UBB: variants seen among roughly 807,000 people sequenced by gnomAD.
UBB encodes polyubiquitin-B.
In UBB, 11 loss-of-function variants were observed where a neutral mutation model predicts 12.5. The observed-to-expected ratio is 0.88, with a 90% CI of 0.55 to 1.45. UBB has a LOEUF of 1.45. Among genes scored for constraint, UBB ranks in the 40% most tolerant of loss-of-function variants. The pLI is 0.00. For missense variants in UBB, 76 were observed against 286.9 expected, an observed-to-expected ratio of 0.26 and a Z score of 5.31; for synonymous variants, 168 against 120.1, an observed-to-expected ratio of 1.40 and a Z score of -2.61.
In UBB at chr17:16,382,622, G is replaced by A; in HGVS notation, c.*25G>A. Reference sequence around the variant, plus strand: ...ATTCTTCAGTCATGGCATTCGCAGTGCCCAGTGATGGCATTACTCTGCACT... The same window carrying A: ...ATTCTTCAGTCATGGCATTCGCAGTACCCAGTGATGGCATTACTCTGCACT... On this transcript the variant is annotated 3_prime_UTR_variant, in exon 2 of 2. Coordinates refer to ENST00000302182, the MANE Select transcript of UBB (RefSeq NM_018955.4). 1.2e-6 allele frequency: 2 copies of A among 1,613,006 alleles called. No homozygotes were observed. Among genetic ancestry groups the A allele is most frequent in the South Asian group, 2.2e-5 (2 of 90,944 alleles).
Position 16,381,976 on chromosome 17 carries a change from C to T in UBB, c.69C>T (p.Ile23=), listed in dbSNP as rs767505941. 1.6e-5 allele frequency: 26 copies of T among 1,613,740 alleles called. No individual in the cohort carries two copies. Among genetic ancestry groups the T allele is most frequent in the Middle Eastern group, 3.3e-4 (2 of 6,084 alleles). ...TTGAGGTGGAGCCCAGTGACACCAT[C>T]GAAAATGTGAAGGCCAAGATCCAGG... ...ITLEVEPSDT[I]ENVKAKIQDK... Residue 23 remains isoleucine (I), a synonymous_variant, in exon 2 of 2, where the codon ATC becomes ATT. Coordinates refer to ENST00000302182, the MANE Select transcript of UBB (RefSeq NM_018955.4).
intron 1 of UBB, 161 bp downstream of exon 1, chr17:16,381,345 C>G (rs1034467978): frequency 6.0e-5 from 10 of 167,582 alleles, no homozygotes; most frequent in Non-Finnish European, 6.4e-5. Context: ...GACAGTGGGC[C>G]TTGTTGACCT....
At position 16,381,139 on chromosome 17, in the gene UBB, G is replaced by C. The variant is rs1364634838; in HGVS notation, c.-52G>C. The C allele has an allele frequency of 1.3e-5, 2 of 152,258 alleles. No homozygotes were observed. Among genetic ancestry groups the C allele is most frequent in the African/African-American group, 4.9e-5 (2 of 41,236 alleles). 9.4% of individuals were successfully genotyped at this position (152,258 alleles called of 1,614,324 possible). A position where few individuals can be genotyped will look rare whatever the true frequency, so the allele number is the denominator to read the frequency against. The stretch of plus-strand genomic sequence containing the variant: ...GGGTGAGCTTGTTTGTGTCCCTGTG[G>C]GTGGACGTGGTTGGTGATTGGCAGG... On this transcript the variant is annotated 5_prime_UTR_variant, in exon 1 of 2. Coordinates refer to ENST00000302182, the MANE Select transcript of UBB (RefSeq NM_018955.4).
intron 1 of UBB, chr17:16,381,529 T>A (rs2093275377): frequency 3.9e-6 from 1 of 255,318 alleles, no homozygotes. Context: ...CCCCTTCTTG[T>A]GTTTCAATGG....
chr17:16,382,400 A>G lies in UBB; in HGVS notation c.493A>G (p.Ile165Val). The change falls in exon 2 of 2, where the codon ATC becomes GTC. Residue 165 changes from isoleucine to valine, a missense_variant. By Grantham distance (29) the Ile-to-Val change is conservative (BLOSUM62 3). Transcript: ENST00000302182. ...CGTGAAGACCCTGACCGGCAAGACC[A>G]TCACTCTGGAGGTGGAGCCCAGTGA... ...IFVKTLTGKT[I>V]TLEVEPSDTI... 6.2e-7 allele frequency: 1 copy of G among 1,610,264 alleles called. No homozygotes were observed. Among genetic ancestry groups the G allele is most frequent in the Non-Finnish European group, 8.5e-7 (1 of 1,179,356 alleles).
At position 16,382,246 on chromosome 17, in the gene UBB, T is replaced by C. The variant is rs1296421587; in HGVS notation, c.339T>C (p.Pro113=). ...KAKIQDKEGI[P]PDQQRLIFAG... is the part of the protein sequence containing the mutation. ...AGATCCAGGATAAAGAAGGCATCCC[T>C]CCCGACCAGCAGAGGCTCATCTTTG... Residue 113 remains proline, a synonymous_variant, in exon 2 of 2, where the codon CCT becomes CCC. Coordinates refer to ENST00000302182, the MANE Select transcript of UBB (RefSeq NM_018955.4). 973 of 1,563,000 alleles carry C rather than the reference T, an allele frequency of 6.2e-4. No homozygotes were observed. Among genetic ancestry groups the C allele is most frequent in the African/African-American group, 5.7e-3 (343 of 60,058 alleles).
Position 16,382,534 on chromosome 17 carries a change from T to G in UBB, c.627T>G (p.Ser209=). 6.2e-7 allele frequency: 1 copy of G among 1,613,850 alleles called. No homozygotes were observed. The highest frequency in any genetic ancestry group is 1.3e-5 in the African/African-American group (1 of 75,048). ...GKQLEDGRTL[S]DYNIQKESTL... ...AGCTGGAAGATGGCCGCACTCTTTC[T>G]GACTACAACATCCAGAAAGAGTCGA... The change falls in exon 2 of 2, where the codon TCT becomes TCG. Residue 209 remains serine (S), a synonymous_variant. Transcript: ENST00000302182.
At chr17:16,381,670 T>C in intron 1 of UBB, 1 of 608,890 alleles carries the variant, frequency 1.6e-6, no homozygotes, top group Non-Finnish European at 2.8e-6. Flanking sequence ...GGGAAAGCTG[T>C]GGACGCTTGG....
chr17:16,381,070 T>A (rs1399611241), upstream of UBB: 1 of 153,348 alleles, frequency 6.5e-6, no homozygotes, highest in Non-Finnish European at 1.5e-5. Context: ...TGCATAAATT[T>A]GCGCTCCGCC....
At position 16,382,384 on chromosome 17, in the gene UBB, C is replaced by T; in HGVS notation, c.477C>T (p.Thr159=). The T allele has an allele frequency of 1.9e-6, 3 of 1,610,736 alleles. No individual in the cohort carries two copies. Among genetic ancestry groups the T allele is most frequent in the African/African-American group, 1.4e-5 (1 of 73,596 alleles). ...GTGGTATGCAGATCTTCGTGAAGAC[C>T]CTGACCGGCAAGACCATCACTCTGG... is the stretch of plus-strand genomic sequence containing the variant. ...LRGGMQIFVK[T]LTGKTITLEV... The change falls in exon 2 of 2, where the codon ACC becomes ACT. Residue 159 remains threonine (T), a synonymous_variant. Transcript: ENST00000302182.
At position 16,382,039 on chromosome 17, in the gene UBB, C is replaced by A. The variant is rs1158588539; in HGVS notation, c.132C>A (p.Ile44=). 11 of 1,612,004 alleles carry A rather than the reference C, an allele frequency of 6.8e-6. No individual in the cohort carries two copies. The highest frequency in any genetic ancestry group is 8.5e-6 in the Non-Finnish European group (10 of 1,179,378). The change falls in exon 2 of 2, where the codon ATC becomes ATA. Residue 44 remains isoleucine, a synonymous_variant. Transcript: ENST00000302182. The stretch of plus-strand genomic sequence containing the variant: ...TTCCCCCCGACCAGCAGAGGCTCAT[C>A]TTTGCAGGCAAGCAGCTGGAAGATG... The part of the protein sequence containing the change: ...EGIPPDQQRL[I]FAGKQLEDGR...
chr17:16,382,264 C>A lies in UBB; in HGVS notation c.357C>A (p.Leu119=). 6.2e-7 allele frequency: 1 copy of A among 1,609,368 alleles called. No individual in the cohort carries two copies. Among genetic ancestry groups the A allele is most frequent in the Non-Finnish European group, 8.5e-7 (1 of 1,179,182 alleles). Residue 119 remains leucine (L), a synonymous_variant, in exon 2 of 2, where the codon CTC becomes CTA. Transcript: ENST00000302182. ...KEGIPPDQQR[L]IFAGKQLEDG... ...GCATCCCTCCCGACCAGCAGAGGCT[C>A]ATCTTTGCAGGCAAGCAGCTGGAAG...
chr17:16,381,344 C>G (rs1005458994), intron 1 of UBB, 160 bp downstream of exon 1: 1 of 168,602 alleles, frequency 5.9e-6, no homozygotes, highest in Admixed American at 5.6e-5. Flanking sequence ...GGACAGTGGG[C>G]CTTGTTGACC....
intron 1 of UBB, chr17:16,381,546 T>C (rs1482323179): frequency 7.2e-6 from 2 of 275,870 alleles, no homozygotes; most frequent in Non-Finnish European, 6.9e-6. Context: ...ATGGGATTTT[T>C]ATTTCGCGAG....
At chr17:16,381,723 T>G in intron 1 of UBB, 179 bp from the exon 2 acceptor site, 1 of 894,250 alleles carries the variant, frequency 1.1e-6, no homozygotes, top group Non-Finnish European at 1.6e-6. Context: ...GTTGAAACCT[T>G]GAATGACGAA....
In UBB at chr17:16,381,154, T is replaced by G. The variant is rs1467254943; in HGVS notation, c.-37T>G. The G allele has an allele frequency of 6.7e-6, 1 of 148,872 alleles. No individual in the cohort carries two copies. Among genetic ancestry groups the G allele is most frequent in the Non-Finnish European group, 1.5e-5 (1 of 67,574 alleles). 9.2% of individuals were successfully genotyped at this position (148,872 alleles called of 1,614,324 possible). A position where few individuals can be genotyped will look rare whatever the true frequency, so the allele number is the denominator to read the frequency against. On this transcript the variant is annotated 5_prime_UTR_variant, in exon 1 of 2. Transcript: ENST00000302182. Reference sequence around the variant, plus strand: ...TGTCCCTGTGGGTGGACGTGGTTGGTGATTGGCAGGATCCTGGTATCCGCT... The same window carrying G: ...TGTCCCTGTGGGTGGACGTGGTTGGGGATTGGCAGGATCCTGGTATCCGCT...
chr17:16,382,629 G>A lies in UBB; in HGVS notation c.*32G>A. The A allele has an allele frequency of 6.2e-7, 1 of 1,612,292 alleles. No individual in the cohort carries two copies. Among genetic ancestry groups the A allele is most frequent in the Non-Finnish European group, 8.5e-7 (1 of 1,179,112 alleles). ...AGTCATGGCATTCGCAGTGCCCAGTGATGGCATTACTCTGCACTATAGCCA... is the reference window on the plus strand; with the variant it reads ...AGTCATGGCATTCGCAGTGCCCAGTAATGGCATTACTCTGCACTATAGCCA... On this transcript the variant is annotated 3_prime_UTR_variant, in exon 2 of 2. Coordinates refer to ENST00000302182, the MANE Select transcript of UBB (RefSeq NM_018955.4).
chr17:16,381,126 T>G lies in UBB; in HGVS notation c.-65T>G, dbSNP rs1365537125. ...GGTTGGCTTTGTTGGGTGAGCTTGT[T>G]TGTGTCCCTGTGGGTGGACGTGGTT... On this transcript the variant is annotated 5_prime_UTR_variant, in exon 1 of 2. Coordinates refer to ENST00000302182, the MANE Select transcript of UBB (RefSeq NM_018955.4). The G allele has an allele frequency of 2.0e-5, 3 of 151,448 alleles. No individual in the cohort carries two copies. The highest frequency in any genetic ancestry group is 4.9e-5 in the African/African-American group (2 of 41,148). 9.4% of individuals were successfully genotyped at this position (151,448 alleles called of 1,614,324 possible).
At position 16,382,173 on chromosome 17, in the gene UBB, T is replaced by G; in HGVS notation, c.266T>G (p.Ile89Ser). ...GTGAAGACCCTGACCGGCAAGACCA[T>G]CACCCTGGAAGTGGAGCCCAGTGAC... ...IFVKTLTGKT[I>S]TLEVEPSDTI... The change falls in exon 2 of 2, where the codon ATC (isoleucine) becomes AGC (serine). Residue 89 changes from isoleucine to serine, a missense_variant. Physicochemically the swap from Ile to Ser is moderately radical, Grantham distance 142. Transcript: ENST00000302182. 1 of 1,606,272 alleles carries G rather than the reference T, an allele frequency of 6.2e-7. No individual in the cohort carries two copies.
Sources: gnomAD v4.1 joint callset for allele counts on GRCh38, gnomAD v4.1.1 for gene constraint, MANE v1.5 for transcripts, NCBI Gene and HGNC (gene_info 2026-07-23, HGNC 2026-07-21) for gene names.